The following UHRF2 variants were observed in gnomAD, a reference collection of about 807,000 sequenced individuals.
The protein encoded by UHRF2 is E3 ubiquitin-protein ligase UHRF2.
A neutral mutation model predicts 96.8 loss-of-function variants in UHRF2; 23 were observed. The ratio of observed to expected loss-of-function variants is 0.24; its 90% CI spans 0.17 to 0.34. The LOEUF is 0.34. UHRF2 is among the 10% of genes least tolerant of loss of function. The pLI, the probability that UHRF2 is intolerant of heterozygous loss-of-function variation, is 1.00. For missense variants in UHRF2, 685 were observed against 981.5 expected (o/e 0.70, Z 4.04); for synonymous variants, 385 against 332.6 (o/e 1.16, Z -1.72).
intron 3 of UHRF2, 175 bp downstream of exon 3, chr9:6,434,348 C>T (rs571512741): frequency 8.6e-5 from 57 of 659,572 alleles, no homozygotes; most frequent in Non-Finnish European, 1.2e-4. Flanking sequence ...TTTTAGCTCT[C>T]GATTATCTCT....
intron 3 of UHRF2, among the ~76,000 whole-genome samples, chr9:6,448,478 G>A (rs1015057142): frequency 4.6e-5 from 7 of 151,840 alleles, no homozygotes; most frequent in African/African-American, 1.4e-4. Flanking sequence ...TTTGAAAAAC[G>A]TCTCTGTTTT....
intron 3 of UHRF2, among the ~76,000 whole-genome samples, chr9:6,442,501 C>G (rs905947697): frequency 6.6e-6 from 1 of 150,376 alleles, no homozygotes; most frequent in Non-Finnish European, 1.5e-5. Flanking sequence ...GTTTTTGAGA[C>G]AGGGTCTTGT....
At chr9:6,492,170 C>A in intron 9 of UHRF2, 1 of 234,356 alleles carries the variant, frequency 4.3e-6, no homozygotes, top group East Asian at 1.1e-4. Context: ...GAATTTTAGC[C>A]ATGTTTCCTT....
chr9:6,456,610 G>A (rs1822195175), intron 3 of UHRF2, among the ~76,000 whole-genome samples: 1 of 152,150 alleles, frequency 6.6e-6, no homozygotes, highest in South Asian at 2.1e-4. Context: ...CTTTGCCCAT[G>A]CCTTTGTCCA....
chr9:6,420,893 T>C lies in UHRF2; in HGVS notation c.154-19T>C. 1 of 1,583,110 alleles carries C rather than the reference T, an allele frequency of 6.3e-7. No individual in the cohort carries two copies. Among genetic ancestry groups the C allele is most frequent in the South Asian group, 1.1e-5 (1 of 90,332 alleles). ...TACATTTTAGAGAAGCATTTCACTATTCTTTCTTTATTTTCTAGTTGGAAA... is the reference window on the plus strand; with the variant it reads ...TACATTTTAGAGAAGCATTTCACTACTCTTTCTTTATTTTCTAGTTGGAAA... On this transcript the variant is annotated intron_variant, in intron 1 of 15. Transcript: ENST00000276893.
At chr9:6,487,478 T>C (rs1356877053) in intron 9 of UHRF2, among the ~76,000 whole-genome samples, 1 of 152,216 alleles carries the variant, frequency 6.6e-6, no homozygotes, top group East Asian at 1.9e-4. Flanking sequence ...GCGATTCTCC[T>C]GCCTCCACCT....
intron 3 of UHRF2, among the ~76,000 whole-genome samples, chr9:6,435,315 G>A (rs1213528087): frequency 3.3e-5 from 5 of 151,864 alleles, no homozygotes; most frequent in Admixed American, 2.0e-4. Context: ...TTGTAGAGAT[G>A]TGGTCTCACT....
chr9:6,444,935 G>GTA (rs1316816207), intron 3 of UHRF2, among the ~76,000 whole-genome samples: 2 of 151,914 alleles, frequency 1.3e-5, no homozygotes, highest in Non-Finnish European at 2.9e-5. Flanking sequence ...TACCACGCTG[G>GTA]CCATTAAGTA....
chr9:6,488,389 C>T (rs1293848105), intron 9 of UHRF2, among the ~76,000 whole-genome samples: 4 of 148,534 alleles, frequency 2.7e-5, no homozygotes, highest in Non-Finnish European at 3.0e-5. Flanking sequence ...AATATCAGAA[C>T]CAGGATATTG....
At chr9:6,474,342 A>G (rs957409168) in intron 4 of UHRF2, among the ~76,000 whole-genome samples, 1 of 152,246 alleles carries the variant, frequency 6.6e-6, no homozygotes. Context: ...ATGCATTACT[A>G]GAGATAAGAT....
chr9:6,454,121 C>T (rs1019431090), intron 3 of UHRF2, among the ~76,000 whole-genome samples: 27 of 152,230 alleles, frequency 1.8e-4, no homozygotes, highest in African/African-American at 4.8e-4. Context: ...CCATTAGGTA[C>T]GTTTTACGGG....
chr9:6,477,578 A>C lies in UHRF2; in HGVS notation c.974-44A>C, dbSNP rs529648182. On this transcript the variant is annotated intron_variant, in intron 5 of 15. Coordinates refer to ENST00000276893, the MANE Select transcript of UHRF2 (RefSeq NM_152896.3). ...TTCTTTATGAGATTCATAGATATAA[A>C]AAATGTTTTAAGACTAGACTTGCTA... is the stretch of plus-strand genomic sequence containing the variant. 247 of 1,515,494 alleles carry C rather than the reference A, an allele frequency of 1.6e-4. 1 individual carries two copies. The highest frequency in any genetic ancestry group is 1.3e-3 in the Admixed American group (61 of 46,224). 93.9% of individuals were successfully genotyped at this position (1,515,494 alleles called of 1,614,324 possible). A position where few individuals can be genotyped will look rare whatever the true frequency, so the allele number is the denominator to read the frequency against.
chr9:6,429,421 T>C (rs1820446301), intron 2 of UHRF2, among the ~76,000 whole-genome samples: 1 of 152,210 alleles, frequency 6.6e-6, no homozygotes, highest in African/African-American at 2.4e-5. Context: ...GTTTTTTTGT[T>C]TCTGTTTCTT....
At chr9:6,463,841 T>A (rs1822707657) in intron 4 of UHRF2, among the ~76,000 whole-genome samples, 1 of 152,164 alleles carries the variant, frequency 6.6e-6, no homozygotes, top group Non-Finnish European at 1.5e-5. Flanking sequence ...AATAACAGGT[T>A]GAAAGAACAA....
chr9:6,469,680 G>GTA (rs926034854), intron 4 of UHRF2, among the ~76,000 whole-genome samples: 3 of 89,246 alleles, frequency 3.4e-5, no homozygotes, highest in Admixed American at 2.2e-4. Flanking sequence ...GTGTGTGTAT[G>GTA]TATATATATA....
intron 3 of UHRF2, among the ~76,000 whole-genome samples, chr9:6,436,228 G>T (rs537068823): frequency 6.6e-6 from 1 of 152,232 alleles, no homozygotes; most frequent in African/African-American, 2.4e-5. Flanking sequence ...ATCTGGAAAT[G>T]AATCAAAAGT....
intron 6 of UHRF2, among the ~76,000 whole-genome samples, chr9:6,479,723 C>T (rs1481142584): frequency 6.6e-6 from 1 of 152,172 alleles, no homozygotes; most frequent in South Asian, 2.1e-4. Context: ...CCCCAGTCTT[C>T]ATTAAATAGT....
intron 3 of UHRF2, among the ~76,000 whole-genome samples, chr9:6,454,395 TAA>T (rs1379366642): frequency 6.6e-6 from 1 of 152,240 alleles, no homozygotes; most frequent in East Asian, 1.9e-4. Flanking sequence ...ACATTTAGGC[TAA>T]GTGTTAGATC....
At chr9:6,474,439 C>G in intron 4 of UHRF2, among the ~76,000 whole-genome samples, 1 of 152,314 alleles carries the variant, frequency 6.6e-6, no homozygotes, top group East Asian at 1.9e-4. Flanking sequence ...GGTGTGGTAA[C>G]TCATGCCTGT....
Sources: allele counts gnomAD v4.1 joint callset (sites outside exome capture counted in the v4.1 genomes callset), GRCh38; gene constraint gnomAD v4.1.1; transcripts MANE v1.5; gene names NCBI Gene and HGNC (gene_info 2026-07-23, HGNC 2026-07-21).